CADM1: variants seen among roughly 807,000 people sequenced by gnomAD.
CADM1 encodes cell adhesion molecule 1.
A neutral mutation model predicts 53.1 loss-of-function variants in CADM1; 15 were observed. The ratio of observed to expected loss-of-function variants is 0.28; its 90% CI spans 0.19 to 0.44. CADM1 has a LOEUF of 0.44. Ranked by LOEUF, CADM1 falls within the 20% of genes least tolerant of loss-of-function variation. The probability of loss-of-function intolerance (pLI) is 1.00; values close to 1 mark genes in which losing one functional copy is unlikely to be tolerated. For missense variants in CADM1, 434 were observed against 611.3 expected (o/e 0.71, Z 3.06); for synonymous variants, 281 against 243.0 (o/e 1.16, Z -1.45).
At chr11:115,194,366 T>G (rs1348886960) in intron 9 of CADM1, among the ~76,000 whole-genome samples, 1 of 152,202 alleles carries the variant, frequency 6.6e-6, no homozygotes, top group East Asian at 1.9e-4. Flanking sequence ...GCATTATTTA[T>G]AAACGAGTCA....
At chr11:115,214,414 T>G in intron 7 of CADM1, 194 bp downstream of exon 7, 6 of 607,292 alleles carry the variant, frequency 9.9e-6, no homozygotes, top group Non-Finnish European at 1.2e-5. Flanking sequence ...ACACCCACCA[T>G]TAGAGGGAGA....
intron 1 of CADM1, among the ~76,000 whole-genome samples, chr11:115,489,317 C>A (rs1209073645): frequency 6.6e-6 from 1 of 152,138 alleles, no homozygotes; most frequent in East Asian, 1.9e-4. Context: ...ACAACTTCAA[C>A]TAAGAATTAT....
At chr11:115,395,461 G>GA (rs1411515108) in intron 1 of CADM1, among the ~76,000 whole-genome samples, 1 of 151,862 alleles carries the variant, frequency 6.6e-6, no homozygotes, top group Non-Finnish European at 1.5e-5. Context: ...ACAAAATGCT[G>GA]AAAAAAAATC....
chr11:115,297,489 C>A (rs1044608210), intron 1 of CADM1, among the ~76,000 whole-genome samples: 1 of 152,162 alleles, frequency 6.6e-6, no homozygotes, highest in African/African-American at 2.4e-5. Flanking sequence ...AAGGCAAACA[C>A]AAACAGATCC....
intron 11 of CADM1, among the ~76,000 whole-genome samples, chr11:115,176,991 T>A (rs1311638551): frequency 6.6e-6 from 1 of 152,228 alleles, no homozygotes; most frequent in Non-Finnish European, 1.5e-5. Flanking sequence ...GGAAGAGCAA[T>A]TAGCCAATAA....
At chr11:115,396,222 T>C (rs1946991554) in intron 1 of CADM1, among the ~76,000 whole-genome samples, 1 of 152,202 alleles carries the variant, frequency 6.6e-6, no homozygotes, top group Non-Finnish European at 1.5e-5. Context: ...GTGGTTGTCA[T>C]TGGTGGTGGA....
At chr11:115,237,604 C>A (rs760115943) in intron 3 of CADM1, among the ~76,000 whole-genome samples, 1 of 152,162 alleles carries the variant, frequency 6.6e-6, no homozygotes, top group Non-Finnish European at 1.5e-5. Flanking sequence ...AGTCTGCCGC[C>A]TCAAATAGAC....
intron 1 of CADM1, among the ~76,000 whole-genome samples, chr11:115,351,151 G>A (rs886347435): frequency 9.2e-5 from 14 of 151,918 alleles, no homozygotes; most frequent in Admixed American, 7.2e-4. Flanking sequence ...AAGTAAAAGC[G>A]AGTAGTTTTT....
chr11:115,311,061 AAGAG>A (rs113062320), intron 1 of CADM1, among the ~76,000 whole-genome samples: 1 of 152,164 alleles, frequency 6.6e-6, no homozygotes, highest in Non-Finnish European at 1.5e-5. Flanking sequence ...TATCCCTACA[AAGAG>A]AGAGAAAGAT....
At chr11:115,326,677 C>T (rs12272136) in intron 1 of CADM1, among the ~76,000 whole-genome samples, 5,690 of 152,238 alleles carry the variant, frequency 0.037, 361 homozygotes, top group African/African-American at 0.13. Flanking sequence ...CATATCTGCA[C>T]ATTTAGTACT....
At chr11:115,428,545 C>G (rs1487762960) in intron 1 of CADM1, among the ~76,000 whole-genome samples, 1 of 152,136 alleles carries the variant, frequency 6.6e-6, no homozygotes, top group African/African-American at 2.4e-5. Context: ...TCATAGCTTG[C>G]ATCTAAACTA....
chr11:115,248,533 A>G (rs974460725), intron 1 of CADM1, among the ~76,000 whole-genome samples: 1 of 152,250 alleles, frequency 6.6e-6, no homozygotes, highest in African/African-American at 2.4e-5. Context: ...AAATTCACTT[A>G]TCAAAGAAGC....
intron 1 of CADM1, among the ~76,000 whole-genome samples, chr11:115,474,835 C>T (rs1949095640): frequency 6.6e-6 from 1 of 152,002 alleles, no homozygotes; most frequent in South Asian, 2.1e-4. Context: ...TACCCTAAAA[C>T]TTAAAGTATA....
In CADM1 at chr11:115,214,609, G is replaced by A. The variant is rs150594862; in HGVS notation, c.993C>T (p.Tyr331=). Residue 331 remains tyrosine (Y), a splice_region_variant and synonymous_variant, in exon 7 of 12, where the codon TAC becomes TAT. Transcript: ENST00000331581. ...AGAGCATTTTATCTTCTCACGTACC[G>A]TATACATACAGCATATAATCCGAGT... ...KAHSDYMLYV[Y]DPPTTIPPPT... 2,038 of 1,613,066 alleles carry A rather than the reference G, an allele frequency of 1.3e-3. 25 individuals are homozygous for A. Among genetic ancestry groups the A allele is most frequent in the Non-Finnish European group, 2.2e-4 (260 of 1,179,080 alleles).
chr11:115,327,213 C>A (rs1944981021), intron 1 of CADM1, among the ~76,000 whole-genome samples: 1 of 152,084 alleles, frequency 6.6e-6, no homozygotes, highest in Non-Finnish European at 1.5e-5. Context: ...AGTGTTGTTA[C>A]TTCCAGAGGG....
Position 115,176,181 on chromosome 11 carries a change from C to G in CADM1, c.*293G>C, listed in dbSNP as rs1416335387. On this transcript the variant is annotated 3_prime_UTR_variant, in exon 12 of 12. Coordinates refer to ENST00000331581, the MANE Select transcript of CADM1 (RefSeq NM_001301043.2). ...CAACAAACAAACAAAAAACAAGGCA[C>G]AGAATTTTCTGCAATCTACTGAAAC... 8.4e-7 allele frequency: 1 copy of G among 1,193,152 alleles called. No homozygotes were observed. The highest frequency in any genetic ancestry group is 3.8e-5 in the Admixed American group (1 of 26,656). 73.9% of individuals were successfully genotyped at this position (1,193,152 alleles called of 1,614,324 possible).
At chr11:115,347,329 T>C (rs112108108) in intron 1 of CADM1, among the ~76,000 whole-genome samples, 1 of 152,202 alleles carries the variant, frequency 6.6e-6, no homozygotes, top group Non-Finnish European at 1.5e-5. Flanking sequence ...TTAATGAGAC[T>C]GACATAAAGC....
At chr11:115,412,710 T>A (rs1947489272) in intron 1 of CADM1, among the ~76,000 whole-genome samples, 1 of 152,186 alleles carries the variant, frequency 6.6e-6, no homozygotes, top group Non-Finnish European at 1.5e-5. Flanking sequence ...AAATGCAATG[T>A]GGTTGTCAAT....
intron 1 of CADM1, among the ~76,000 whole-genome samples, chr11:115,417,473 T>C (rs1947629355): frequency 6.6e-6 from 1 of 152,196 alleles, no homozygotes. Context: ...ATACCTAAGA[T>C]AAAGCTTAAC....
Sources: gnomAD v4.1 joint callset for allele counts (sites outside exome capture counted in the v4.1 genomes callset) on GRCh38, gnomAD v4.1.1 for gene constraint, MANE v1.5 for transcripts, NCBI Gene and HGNC (gene_info 2026-07-23, HGNC 2026-07-21) for gene names.